The following EPM2A variants were observed in gnomAD, a reference collection of about 807,000 sequenced individuals.
EPM2A encodes EPM2A glucan phosphatase, laforin.
In EPM2A, 21 loss-of-function variants were observed where a neutral mutation model predicts 26.5. That is an observed-to-expected ratio of 0.79 (90% CI 0.56 to 1.14). The LOEUF (loss-of-function observed/expected upper bound fraction) is 1.14. Ranked by LOEUF, EPM2A falls within the 50% of genes most tolerant of loss-of-function variation. The pLI is 0.00. For missense variants in EPM2A, 458 were observed against 440.8 expected (o/e 1.04, Z -0.35); for synonymous variants, 217 against 177.6 (o/e 1.22, Z -1.76).
chr6:145,732,178 A>C (rs561879678), intron 1 of EPM2A, among the ~76,000 whole-genome samples: 1 of 149,698 alleles, frequency 6.7e-6, no homozygotes, highest in South Asian at 2.1e-4. Flanking sequence ...TTTTCTTTAA[A>C]GTCTCAGGTT....
At chr6:145,422,060 T>TAC (rs1382793411) in intron 4 of EPM2A, among the ~76,000 whole-genome samples, 1 of 118,748 alleles carries the variant, frequency 8.4e-6, no homozygotes, top group Admixed American at 9.7e-5. Flanking sequence ...TATGAGTGTA[T>TAC]ATATATATAT....
intron 2 of EPM2A, among the ~76,000 whole-genome samples, chr6:145,618,918 G>A (rs1775571899): frequency 6.6e-6 from 1 of 152,194 alleles, no homozygotes; most frequent in Non-Finnish European, 1.5e-5. Context: ...ATCTTGAAAG[G>A]GGTAAGGATT....
chr6:145,572,836 A>G (rs1299824253), intron 2 of EPM2A, among the ~76,000 whole-genome samples: 1 of 152,130 alleles, frequency 6.6e-6, no homozygotes, highest in East Asian at 1.9e-4. Context: ...ACCCACTCAA[A>G]ACTGGAAACC....
intron 1 of EPM2A, among the ~76,000 whole-genome samples, chr6:145,734,097 G>T (rs1168610873): frequency 1.3e-5 from 2 of 152,044 alleles, no homozygotes; most frequent in Non-Finnish European, 2.9e-5. Context: ...TCACTTCTTT[G>T]AATCCACTCT....
chr6:145,544,889 C>T (rs1780564324), intron 2 of EPM2A, among the ~76,000 whole-genome samples: 1 of 152,188 alleles, frequency 6.6e-6, no homozygotes, highest in Non-Finnish European at 1.5e-5. Context: ...TAACAATCTT[C>T]ATAATCACAG....
At position 145,583,638 on chromosome 6, in the gene EPM2A, C is replaced by T. The variant is rs535601336; in HGVS notation, c.340+51607G>A. Among the ~76,000 whole-genome samples the T allele has an allele frequency of 5.9e-5, 9 of 152,340 alleles. No homozygotes were observed. The South Asian group carries it at 1.0e-3, about 18-fold the overall frequency. ...TAGGAGGAGTGGCATGGGATCCATG[C>T]TTGCTCACATGTGACAGCAGCCATG... is the stretch of plus-strand genomic sequence containing the variant. On this transcript the variant is annotated intron_variant, in intron 2 of 3. Transcript: ENST00000450221.
chr6:145,638,084 G>C (rs1014289162), intron 2 of EPM2A: 1 of 152,184 alleles, frequency 6.6e-6, no homozygotes, highest in Non-Finnish European at 1.5e-5. Context: ...AAATTTTAAA[G>C]AGGACTGGTA....
chr6:145,594,070 T>C (rs753515301), intron 2 of EPM2A, among the ~76,000 whole-genome samples: 70 of 151,790 alleles, frequency 4.6e-4, no homozygotes, highest in Non-Finnish European at 9.7e-4. Context: ...ATAAGTTTTT[T>C]AAATATGTTG....
chr6:145,716,225 T>A (rs559881190), intron 1 of EPM2A, among the ~76,000 whole-genome samples: 1 of 152,306 alleles, frequency 6.6e-6, no homozygotes, highest in South Asian at 2.1e-4. Context: ...GCAGAATCCA[T>A]AGGGACAGAA....
chr6:145,457,586 A>C (rs1779278413), intron 4 of EPM2A, among the ~76,000 whole-genome samples: 1 of 152,292 alleles, frequency 6.6e-6, no homozygotes, highest in East Asian at 1.9e-4. Context: ...CCAACACCTA[A>C]TTCACTCACT....
intron 2 of EPM2A, among the ~76,000 whole-genome samples, chr6:145,681,434 T>TTG (rs1378177660): frequency 2.7e-5 from 4 of 150,430 alleles, no homozygotes; most frequent in African/African-American, 9.8e-5. Flanking sequence ...TTGTTGCCAT[T>TTG]GCTTTTGGTG....
chr6:145,732,399 AACAC>A lies in EPM2A; in HGVS notation c.301+2795_301+2798del, dbSNP rs202225064. ...ATATAAAACTGATACATATATCAGA[AACAC>A]ACACACACATATATATATATATATA... On this transcript the variant is annotated intron_variant, in intron 1 of 3. Transcript: ENST00000367519. 2.9e-5 allele frequency among the ~76,000 whole-genome samples: 4 copies of A among 135,794 alleles called. 1 individual carries two copies. The East Asian group carries it at 5.9e-4, about 20-fold the overall frequency. 89.1% of individuals were successfully genotyped at this position (135,794 alleles called of 152,430 possible).
chr6:145,481,720 T>G (rs754707988), intron 4 of EPM2A, among the ~76,000 whole-genome samples: 20 of 152,286 alleles, frequency 1.3e-4, no homozygotes, highest in Non-Finnish European at 2.4e-4. Context: ...TTGTTGTTAT[T>G]TTAAGCCACT....
At chr6:145,715,212 G>A (rs1030247584) in intron 1 of EPM2A, among the ~76,000 whole-genome samples, 1 of 152,010 alleles carries the variant, frequency 6.6e-6, no homozygotes, top group African/African-American at 2.4e-5. Flanking sequence ...CAGGATCAAG[G>A]GTGGCCAGAT....
intron 4 of EPM2A, among the ~76,000 whole-genome samples, chr6:145,464,240 C>T (rs1333543138): frequency 6.6e-6 from 1 of 152,126 alleles, no homozygotes; most frequent in African/African-American, 2.4e-5. Flanking sequence ...CTCTCACTTG[C>T]CACCATGTAA....
chr6:145,443,336 A>G (rs1388643437), intron 4 of EPM2A, among the ~76,000 whole-genome samples: 1 of 152,174 alleles, frequency 6.6e-6, no homozygotes, highest in Non-Finnish European at 1.5e-5. Flanking sequence ...AGCCATTTTA[A>G]CAATATTGAT....
chr6:145,697,741 G>A (rs181690969), intron 1 of EPM2A, among the ~76,000 whole-genome samples: 1,807 of 152,198 alleles, frequency 0.012, 13 homozygotes, highest in Middle Eastern at 0.075. Context: ...GCTCTGTTCC[G>A]CCCAGCTCAC....
chr6:145,416,877 T>C (rs902082004), intron 4 of EPM2A, among the ~76,000 whole-genome samples: 3 of 152,192 alleles, frequency 2.0e-5, no homozygotes, highest in African/African-American at 7.2e-5. Flanking sequence ...ATTTTTTTTT[T>C]TTACTGTCAT....
intron 4 of EPM2A, among the ~76,000 whole-genome samples, chr6:145,494,071 T>C (rs1180147864): frequency 6.6e-6 from 1 of 152,224 alleles, no homozygotes; most frequent in Non-Finnish European, 1.5e-5. Context: ...CCAGCTATTC[T>C]GTGTACATCT....
Sources: gnomAD v4.1 joint callset for allele counts (sites outside exome capture counted in the v4.1 genomes callset) on GRCh38, gnomAD v4.1.1 for gene constraint, MANE v1.5 for transcripts, NCBI Gene and HGNC (gene_info 2026-07-23, HGNC 2026-07-21) for gene names.